ARCN1: variants seen among roughly 807,000 people sequenced by gnomAD.
ARCN1 encodes the protein archain 1 coat protein complex I subunit delta.
Under a neutral mutation model 60.4 loss-of-function variants are expected in ARCN1, and 5 were observed. The ratio of observed to expected loss-of-function variants is 0.08; its 90% CI spans 0.04 to 0.17. The LOEUF (loss-of-function observed/expected upper bound fraction) is 0.17. ARCN1 is among the 10% of genes least tolerant of loss of function. The probability of loss-of-function intolerance (pLI) is 1.00; values close to 1 mark genes in which losing one functional copy is unlikely to be tolerated. For synonymous variants in ARCN1, 224 were observed against 220.0 expected, an observed-to-expected ratio of 1.02 and a Z score of -0.16; for missense variants, 464 against 626.5, an observed-to-expected ratio of 0.74 and a Z score of 2.77.
chr11:118,591,578 A>G (rs968388384), intron 6 of ARCN1, among the ~76,000 whole-genome samples: 4 of 151,724 alleles, frequency 2.6e-5, no homozygotes, highest in Non-Finnish European at 4.4e-5. Flanking sequence ...TTTTTAGTAA[A>G]GATGGGGTTT....
At chr11:118,600,526 C>G in intron 9 of ARCN1, 99 bp from the exon 10 acceptor site, 1 of 750,210 alleles carries the variant, frequency 1.3e-6, no homozygotes, top group Non-Finnish European at 2.1e-6. Flanking sequence ...CTTTTAATAC[C>G]GCTTTTAGGG....
intron 2 of ARCN1, 66 bp from the exon 3 acceptor site, chr11:118,583,113 T>C: frequency 6.5e-7 from 1 of 1,540,042 alleles, no homozygotes; most frequent in Non-Finnish European, 8.9e-7. Flanking sequence ...CTCTAAAGGA[T>C]AAGACTTGGA....
intron 9 of ARCN1, among the ~76,000 whole-genome samples, chr11:118,598,279 C>G (rs1184186501): frequency 6.6e-6 from 1 of 151,534 alleles, no homozygotes; most frequent in Non-Finnish European, 1.5e-5. Context: ...CTTGCTGTCA[C>G]TTGATTTATA....
chr11:118,584,435 T>TA, intron 4 of ARCN1, 45 bp from the exon 5 acceptor site: 1 of 1,559,076 alleles, frequency 6.4e-7, no homozygotes, highest in Middle Eastern at 1.7e-4. Flanking sequence ...TGTGTGCTTG[T>TA]AAAAATAAAC....
At chr11:118,595,960 C>T (rs965166228) in intron 8 of ARCN1, among the ~76,000 whole-genome samples, 4 of 151,886 alleles carry the variant, frequency 2.6e-5, no homozygotes, top group East Asian at 3.9e-4. Context: ...CCAGCTACTC[C>T]GGAGGCTGAG....
chr11:118,579,521 CAAA>C (rs61567269), intron 1 of ARCN1, among the ~76,000 whole-genome samples: 33 of 118,336 alleles, frequency 2.8e-4, no homozygotes, highest in East Asian at 1.1e-3. Context: ...ACTAGAAATA[CAAA>C]AAAAAAAAAA....
At chr11:118,572,644 C>A in intron 1 of ARCN1, 94 bp downstream of exon 1, 1 of 1,512,348 alleles carries the variant, frequency 6.6e-7, no homozygotes, top group Non-Finnish European at 9.0e-7. Context: ...GGAGCCCCGC[C>A]CTGAGGGTCT....
chr11:118,589,337 T>C (rs1555075920), intron 5 of ARCN1, among the ~76,000 whole-genome samples: 1 of 152,256 alleles, frequency 6.6e-6, no homozygotes, highest in Admixed American at 6.5e-5. Context: ...TTAATTTTTT[T>C]AAGCTTGAAA....
intron 5 of ARCN1, 98 bp from the exon 6 acceptor site, chr11:118,590,243 C>T (rs782701863): frequency 1.1e-6 from 1 of 952,344 alleles, no homozygotes; most frequent in Non-Finnish European, 1.6e-6. Flanking sequence ...GATCTGCCCG[C>T]CTTGGCCTCC....
intron 2 of ARCN1, among the ~76,000 whole-genome samples, chr11:118,582,660 G>A (rs575392115): frequency 1.7e-3 from 256 of 150,990 alleles, no homozygotes; most frequent in African/African-American, 5.0e-3. Flanking sequence ...CAGGAGGTGG[G>A]GGTTGCAGTG....
Position 118,597,773 on chromosome 11 carries a change from T to C in ARCN1, c.1308T>C (p.Asn436=), listed in dbSNP as rs781886144. The change falls in exon 9 of 10, where the codon AAT becomes AAC. Residue 436 remains asparagine, a synonymous_variant. Transcript: ENST00000264028. ...AGTATCGACATGACAGTCGACGAAA[T>C]ACCCTGGAGTGGTGCCTGCCTGTGA... The part of the protein sequence containing the change: ...DGEYRHDSRR[N]TLEWCLPVID... 5.6e-6 allele frequency: 9 copies of C among 1,614,042 alleles called. No homozygotes were observed. The highest frequency in any genetic ancestry group is 7.6e-6 in the Non-Finnish European group (9 of 1,180,022).
intron 1 of ARCN1, chr11:118,572,853 G>A (rs1938381955): frequency 2.5e-6 from 1 of 402,598 alleles, no homozygotes; most frequent in African/African-American, 2.1e-5. Context: ...AGAACTTCGT[G>A]GTGGTGGTGC....
chr11:118,584,465 A>G lies in ARCN1; in HGVS notation c.654-15A>G, dbSNP rs1591385240. 1 of 1,593,360 alleles carries G rather than the reference A, an allele frequency of 6.3e-7. No homozygotes were observed. Among genetic ancestry groups the G allele is most frequent in the Non-Finnish European group, 8.5e-7 (1 of 1,173,852 alleles). ...ATAAACCTTTGGGTAATGAATTTCA[A>G]ATTCTTCCACTTAGGCCTTCAGGCC... On this transcript the variant is annotated splice_polypyrimidine_tract_variant and intron_variant, in intron 4 of 9. Coordinates refer to ENST00000264028, the MANE Select transcript of ARCN1 (RefSeq NM_001655.5).
chr11:118,590,541 T>A (rs1555076180), intron 6 of ARCN1, 35 bp downstream of exon 6: 2 of 1,603,564 alleles, frequency 1.2e-6, no homozygotes, highest in Admixed American at 3.4e-5. Context: ...GTATTAACAC[T>A]TTGTCTACCT....
chr11:118,590,115 C>T (rs1226561014), intron 5 of ARCN1, among the ~76,000 whole-genome samples: 1 of 152,194 alleles, frequency 6.6e-6, no homozygotes, highest in Non-Finnish European at 1.5e-5. Context: ...CCTGCCTTAG[C>T]CTCCCAAGTA....
chr11:118,600,021 G>C (rs541297566), intron 9 of ARCN1, among the ~76,000 whole-genome samples: 1 of 152,294 alleles, frequency 6.6e-6, no homozygotes, highest in South Asian at 2.1e-4. Flanking sequence ...TCAAAGATTA[G>C]GACATTATAA....
Position 118,583,927 on chromosome 11 carries a change from C to T in ARCN1, c.566C>T (p.Ser189Phe). The T allele has an allele frequency of 6.2e-7, 1 of 1,614,226 alleles. No individual in the cohort carries two copies. Among genetic ancestry groups the T allele is most frequent in the Non-Finnish European group, 8.5e-7 (1 of 1,180,046 alleles). Residue 189 changes from serine (S) to phenylalanine (F), a missense_variant, in exon 4 of 10, where the codon TCT becomes TTT. By Grantham distance (155) the Ser-to-Phe change is radical. Coordinates refer to ENST00000264028, the MANE Select transcript of ARCN1 (RefSeq NM_001655.5). ...KAPGFGGFGS[S>F]AVSGGSTAAM... ...CCAGGATTTGGCGGATTTGGCAGCT[C>T]TGCAGTATCTGGAGGCAGCACAGCT...
intron 7 of ARCN1, 97 bp from the exon 8 acceptor site, chr11:118,593,493 C>T (rs1938958214): frequency 1.3e-6 from 1 of 764,802 alleles, no homozygotes; most frequent in South Asian, 1.6e-5. Context: ...GATCCTACCA[C>T]CTTGGTCCTC....
chr11:118,588,814 T>TC (rs1938832086), intron 5 of ARCN1, among the ~76,000 whole-genome samples: 1 of 152,108 alleles, frequency 6.6e-6, no homozygotes, highest in Admixed American at 6.5e-5. Flanking sequence ...GGTCAGGAGT[T>TC]CAAGACCAGC....
Sources: allele counts gnomAD v4.1 joint callset (sites outside exome capture counted in the v4.1 genomes callset), GRCh38; gene constraint gnomAD v4.1.1; transcripts MANE v1.5; gene names NCBI Gene and HGNC (gene_info 2026-07-23, HGNC 2026-07-21).